The following COL10A1 variants were observed in gnomAD, a reference collection of about 807,000 sequenced individuals.
COL10A1 encodes collagen type X alpha 1 chain.
In COL10A1, 10 loss-of-function variants were observed where a neutral mutation model predicts 18.2. The observed-to-expected ratio is 0.55, with a 90% CI of 0.34 to 0.93. The LOEUF (loss-of-function observed/expected upper bound fraction) is 0.93, where lower values mean the gene tolerates loss of function less well. Among genes scored for constraint, COL10A1 ranks in the 40% least tolerant of loss-of-function variants. The pLI, the probability that COL10A1 is intolerant of heterozygous loss-of-function variation, is 0.02. For synonymous variants in COL10A1, 330 were observed against 316.6 expected (o/e 1.04, Z -0.45); for missense variants, 897 against 853.5 (o/e 1.05, Z -0.64).
chr6:116,139,822 A>C (rs1409575181), intron 1 of COL10A1, among the ~76,000 whole-genome samples: 3 of 152,182 alleles, frequency 2.0e-5, no homozygotes, highest in Non-Finnish European at 4.4e-5. Context: ...CCATTTGTAT[A>C]AAAGTTGTGT....
chr6:116,211,484 T>A, the COL10A1 span, among the ~76,000 whole-genome samples: 2 of 152,118 alleles, frequency 1.3e-5, no homozygotes, highest in Non-Finnish European at 2.9e-5. Context: ...CCATATAGGT[T>A]CAACAGTAAG....
At chr6:116,204,374 C>T in the COL10A1 span, among the ~76,000 whole-genome samples, 41 of 152,034 alleles carry the variant, frequency 2.7e-4, no homozygotes, top group Middle Eastern at 3.4e-3. Flanking sequence ...CAAAAAGATG[C>T]ACTACCTAAT....
chr6:116,141,754 CTTTTGTTTTTTTT>C (rs1779767712), intron 1 of COL10A1, among the ~76,000 whole-genome samples: 1 of 148,466 alleles, frequency 6.7e-6, no homozygotes, highest in Non-Finnish European at 1.5e-5. Context: ...ACATTTTCTT[CTTTTGTTTTTTTT>C]TTTTGTTTTG....
At chr6:116,175,629 G>A in the COL10A1 span, among the ~76,000 whole-genome samples, 1 of 151,948 alleles carries the variant, frequency 6.6e-6, no homozygotes, top group East Asian at 1.9e-4. Flanking sequence ...TTTTCTCTTT[G>A]TGTTTCAGTT....
chr6:116,120,953 G>A lies in COL10A1; in HGVS notation c.1163C>T (p.Pro388Leu). The change falls in exon 3 of 3, where the codon CCA becomes CTA. Residue 388 changes from proline to leucine, a missense_variant. Coordinates refer to ENST00000651968, the MANE Select transcript of COL10A1 (RefSeq NM_000493.4). Reference sequence around the variant, plus strand: ...GAGACCTGGTTTTCCTGGGTACCCTGGTTTTCCATCTGACCCAGGGGAACC... The same window carrying A: ...GAGACCTGGTTTTCCTGGGTACCCTAGTTTTCCATCTGACCCAGGGGAACC... ...ERGSPGSDGK[P>L]GYPGKPGLDG... 1.2e-6 allele frequency: 2 copies of A among 1,613,882 alleles called. No homozygotes were observed. Among genetic ancestry groups the A allele is most frequent in the Non-Finnish European group, 1.7e-6 (2 of 1,179,890 alleles).
intron 1 of COL10A1, among the ~76,000 whole-genome samples, chr6:116,151,056 A>G (rs1780024424): frequency 6.6e-6 from 1 of 152,178 alleles, no homozygotes; most frequent in Admixed American, 6.5e-5. Context: ...AAATCTTGAC[A>G]TCTCTGAGTT....
the COL10A1 span, among the ~76,000 whole-genome samples, chr6:116,201,050 G>C: frequency 2.3e-4 from 35 of 151,912 alleles, no homozygotes; most frequent in Non-Finnish European, 3.8e-4. Context: ...TGCCCAGTAG[G>C]AGTGAAGTAC....
At chr6:116,164,732 T>G in the COL10A1 span, among the ~76,000 whole-genome samples, 1,597 of 152,282 alleles carry the variant, frequency 0.01, 31 homozygotes, top group African/African-American at 0.037. Context: ...CCTTTTAGCA[T>G]TTTTGGTGTA....
In COL10A1 at chr6:116,120,965, G is replaced by C; in HGVS notation, c.1151C>G (p.Ser384Ter). The change falls in exon 3 of 3, where the codon TCA (serine) becomes TGA (stop). Residue 384 changes from serine to a stop codon, truncating the protein, a stop_gained. Coordinates refer to ENST00000651968, the MANE Select transcript of COL10A1 (RefSeq NM_000493.4). LOFTEE classifies it low-confidence loss of function (END_TRUNC). ...TCCTGGGTACCCTGGTTTTCCATCT[G>C]ACCCAGGGGAACCCCTTTCACCCTT... ...GAKGERGSPG[S>*]DGKPGYPGKP... 2 of 1,613,776 alleles carry C rather than the reference G, an allele frequency of 1.2e-6. No homozygotes were observed. The highest frequency in any genetic ancestry group is 2.2e-5 in the South Asian group (2 of 91,048).
the COL10A1 span, among the ~76,000 whole-genome samples, chr6:116,204,643 A>G: frequency 8.6e-5 from 13 of 152,014 alleles, no homozygotes; most frequent in African/African-American, 3.1e-4. Context: ...ACTCATATGT[A>G]TACATGGACT....
intron 2 of COL10A1, among the ~76,000 whole-genome samples, chr6:116,124,134 TTAAG>T (rs1359338337): frequency 1.3e-5 from 2 of 152,158 alleles, no homozygotes; most frequent in African/African-American, 4.8e-5. Context: ...TTTTCAAATA[TTAAG>T]TTTCCTTTTG....
At chr6:116,146,037 G>A (rs146575765) in intron 1 of COL10A1, among the ~76,000 whole-genome samples, 135 of 152,220 alleles carry the variant, frequency 8.9e-4, no homozygotes, top group African/African-American at 2.9e-3. Context: ...TGTCCTCCTC[G>A]TTTTCCTATC....
the COL10A1 span, among the ~76,000 whole-genome samples, chr6:116,198,863 A>G: frequency 1.3e-5 from 2 of 152,186 alleles, no homozygotes; most frequent in Non-Finnish European, 2.9e-5. Flanking sequence ...AGAGTCTTCC[A>G]TGGTGATCCC....
At chr6:116,150,537 G>A (rs148230152) in intron 1 of COL10A1, among the ~76,000 whole-genome samples, 3,967 of 152,190 alleles carry the variant, frequency 0.026, 160 homozygotes, top group African/African-American at 0.09. Context: ...CACCTGCCTC[G>A]GCCTCCCAAA....
chr6:116,158,879 T>G (rs1328476949), upstream of COL10A1: 1 of 152,232 alleles, frequency 6.6e-6, no homozygotes, highest in Non-Finnish European at 1.5e-5. Flanking sequence ...AGAATATCTG[T>G]TGTTTTCCAG....
upstream of COL10A1, among the ~76,000 whole-genome samples, chr6:116,126,813 T>C (rs1779327679): frequency 6.6e-6 from 1 of 152,170 alleles, no homozygotes; most frequent in Non-Finnish European, 1.5e-5. Flanking sequence ...GCTGTGTTTA[T>C]TTCAGGAGAA....
the COL10A1 span, among the ~76,000 whole-genome samples, chr6:116,164,434 T>A: frequency 6.6e-6 from 1 of 152,224 alleles, no homozygotes; most frequent in Non-Finnish European, 1.5e-5. Flanking sequence ...CCCATTTGCA[T>A]GATATATCTT....
the COL10A1 span, among the ~76,000 whole-genome samples, chr6:116,168,449 T>C: frequency 6.6e-6 from 1 of 152,136 alleles, no homozygotes; most frequent in Non-Finnish European, 1.5e-5. Flanking sequence ...GTTCTTTTTC[T>C]ATTTTTCAAT....
intron 2 of COL10A1, among the ~76,000 whole-genome samples, chr6:116,124,363 G>C (rs183140125): frequency 6.6e-6 from 1 of 152,096 alleles, no homozygotes; most frequent in Admixed American, 6.6e-5. Flanking sequence ...ATAGGCGGTC[G>C]TGTCAGTTGC....
Sources: allele counts gnomAD v4.1 joint callset (sites outside exome capture counted in the v4.1 genomes callset), GRCh38; gene constraint gnomAD v4.1.1; transcripts MANE v1.5; gene names NCBI Gene and HGNC (gene_info 2026-07-23, HGNC 2026-07-21).